FBXL17: variants seen among roughly 807,000 people sequenced by gnomAD.
The protein encoded by FBXL17 is F-box and leucine rich repeat protein 17.
FBXL17 carries 22 observed loss-of-function variants against 66.2 expected under a neutral mutation model. The observed-to-expected ratio is 0.33, with a 90% confidence interval of 0.24 to 0.47. The LOEUF is 0.47. Ranked by LOEUF, FBXL17 falls within the 20% of genes least tolerant of loss-of-function variation. FBXL17 has a pLI of 1.00. For missense variants in FBXL17, 878 were observed against 948.2 expected, an observed-to-expected ratio of 0.93 and a Z score of 0.97; for synonymous variants, 474 against 400.5, an observed-to-expected ratio of 1.18 and a Z score of -2.19.
At chr5:108,339,664 A>C (rs1746749313) in intron 4 of FBXL17, among the ~76,000 whole-genome samples, 1 of 152,148 alleles carries the variant, frequency 6.6e-6, no homozygotes, top group South Asian at 2.1e-4. Context: ...ATAATCTACT[A>C]ACCATAAATT....
At chr5:108,066,705 C>A (rs891721351) in intron 6 of FBXL17, among the ~76,000 whole-genome samples, 2 of 151,708 alleles carry the variant, frequency 1.3e-5, no homozygotes, top group African/African-American at 4.8e-5. Context: ...ATTATTTTAT[C>A]TTTTCTATAA....
intron 7 of FBXL17, among the ~76,000 whole-genome samples, chr5:107,901,602 T>A (rs976201162): frequency 3.3e-5 from 5 of 152,150 alleles, no homozygotes; most frequent in African/African-American, 1.2e-4. Context: ...TGTTTGCACA[T>A]AACACACAGA....
intron 7 of FBXL17, among the ~76,000 whole-genome samples, chr5:107,904,350 A>G (rs1561524509): frequency 6.6e-6 from 1 of 151,912 alleles, no homozygotes; most frequent in East Asian, 1.9e-4. Flanking sequence ...TAACTCTACC[A>G]TCTCTTTCAG....
chr5:107,996,540 C>T (rs572935357), intron 7 of FBXL17, among the ~76,000 whole-genome samples: 1 of 152,294 alleles, frequency 6.6e-6, no homozygotes, highest in East Asian at 1.9e-4. Context: ...GTCTAGAACT[C>T]CTGATCTCAG....
chr5:108,081,999 T>C (rs1753415422), intron 6 of FBXL17, among the ~76,000 whole-genome samples: 1 of 152,110 alleles, frequency 6.6e-6, no homozygotes, highest in African/African-American at 2.4e-5. Flanking sequence ...TCATAGAGCA[T>C]AGATAAGGCC....
At chr5:108,203,259 T>C (rs949251669) in intron 5 of FBXL17, among the ~76,000 whole-genome samples, 1 of 151,998 alleles carries the variant, frequency 6.6e-6, no homozygotes, top group African/African-American at 2.4e-5. Flanking sequence ...TAGAGGCAGG[T>C]AGATGGTATT....
intron 5 of FBXL17, among the ~76,000 whole-genome samples, chr5:108,222,160 TC>T (rs1561472970): frequency 6.6e-6 from 1 of 152,030 alleles, no homozygotes; most frequent in Non-Finnish European, 1.5e-5. Flanking sequence ...ATAATTGTGA[TC>T]TTTTAAGTAC....
chr5:108,104,368 G>A (rs1392832698), intron 6 of FBXL17, among the ~76,000 whole-genome samples: 1 of 152,138 alleles, frequency 6.6e-6, no homozygotes, highest in Non-Finnish European at 1.5e-5. Flanking sequence ...ACATGCAATT[G>A]TACTTCTAAA....
intron 8 of FBXL17, among the ~76,000 whole-genome samples, chr5:107,862,063 C>T (rs1748138450): frequency 6.6e-6 from 1 of 152,006 alleles, no homozygotes; most frequent in African/African-American, 2.4e-5. Flanking sequence ...ACACACCTGC[C>T]CTTAGGGATT....
chr5:108,026,696 A>C (rs1754840552), intron 6 of FBXL17, among the ~76,000 whole-genome samples: 1 of 152,198 alleles, frequency 6.6e-6, no homozygotes, highest in Non-Finnish European at 1.5e-5. Flanking sequence ...CTCACTACCA[A>C]ATGTTATTCT....
At chr5:108,101,449 G>T (rs1484752019) in intron 6 of FBXL17, among the ~76,000 whole-genome samples, 1 of 152,230 alleles carries the variant, frequency 6.6e-6, no homozygotes, top group Non-Finnish European at 1.5e-5. Context: ...TATAAACTTA[G>T]TGCTGGGCCC....
chr5:108,374,141 G>A (rs1015176578), intron 1 of FBXL17, among the ~76,000 whole-genome samples: 21 of 152,162 alleles, frequency 1.4e-4, no homozygotes, highest in Non-Finnish European at 5.9e-5. Flanking sequence ...ATAATGGATA[G>A]AACAACCAGA....
chr5:108,346,021 C>T (rs1429771732), intron 4 of FBXL17, among the ~76,000 whole-genome samples: 1 of 152,066 alleles, frequency 6.6e-6, no homozygotes, highest in South Asian at 2.1e-4. Context: ...GTTCTCTGTA[C>T]GTACCTGTAT....
intron 1 of FBXL17, among the ~76,000 whole-genome samples, chr5:108,379,919 C>A (rs1312242564): frequency 6.6e-6 from 1 of 152,180 alleles, no homozygotes; most frequent in African/African-American, 2.4e-5. Context: ...TGCTTTTATG[C>A]AAGGGTTAAA....
chr5:107,961,251 G>T (rs554676861), intron 7 of FBXL17, among the ~76,000 whole-genome samples: 2 of 151,582 alleles, frequency 1.3e-5, no homozygotes, highest in South Asian at 2.1e-4. Flanking sequence ...TTGAGACAGG[G>T]TCTTGCTCTG....
At chr5:107,947,949 G>A (rs1038441686) in intron 7 of FBXL17, among the ~76,000 whole-genome samples, 13 of 152,108 alleles carry the variant, frequency 8.5e-5, no homozygotes, top group Non-Finnish European at 1.8e-4. Context: ...TTAGACACAT[G>A]TACCCATGAT....
At chr5:107,895,583 C>T (rs534998547) in intron 7 of FBXL17, among the ~76,000 whole-genome samples, 5 of 152,148 alleles carry the variant, frequency 3.3e-5, no homozygotes, top group Non-Finnish European at 7.4e-5. Flanking sequence ...ACAAGCATCA[C>T]TCCTGTTCTG....
intron 6 of FBXL17, among the ~76,000 whole-genome samples, chr5:108,081,647 C>T (rs900784993): frequency 2.6e-5 from 4 of 152,010 alleles, no homozygotes; most frequent in East Asian, 1.9e-4. Flanking sequence ...GGCGTGAACC[C>T]GGGAGGCGGA....
In FBXL17 at chr5:108,100,097, T is replaced by G. The variant is rs182361289; in HGVS notation, c.1746-79096A>C. Among the ~76,000 whole-genome samples, 479 of 152,258 alleles carry G rather than the reference T, an allele frequency of 3.1e-3. 12 individuals are homozygous for G. The highest frequency in any genetic ancestry group is 4.7e-4 in the Non-Finnish European group (32 of 67,972). ...AGGTATCATACTATTTATAGTATGA[T>G]TTTTATATCCACATTCACAGCTAGC... On this transcript the variant is annotated intron_variant, in intron 6 of 8. Transcript: ENST00000542267.
Sources: allele counts gnomAD v4.1 joint callset (sites outside exome capture counted in the v4.1 genomes callset), GRCh38; gene constraint gnomAD v4.1.1; transcripts MANE v1.5; gene names NCBI Gene and HGNC (gene_info 2026-07-23, HGNC 2026-07-21).